Variants in WDR7 observed in about 807,000 individuals in gnomAD.
WDR7 encodes WD repeat domain 7.
In WDR7, 46 loss-of-function variants were observed where a neutral mutation model predicts 169.4. The ratio of observed to expected loss-of-function variants is 0.27; its 90% CI spans 0.21 to 0.35. The LOEUF is 0.35. Among genes scored for constraint, WDR7 ranks in the 10% least tolerant of loss-of-function variants. WDR7 has a pLI of 1.00. For missense variants in WDR7, 1,534 were observed against 1,859.3 expected (o/e 0.83, Z 3.22); for synonymous variants, 612 against 666.8 (o/e 0.92, Z 1.27).
At chr18:56,812,349 T>A (rs1274753755) in intron 19 of WDR7, among the ~76,000 whole-genome samples, 2 of 152,220 alleles carry the variant, frequency 1.3e-5, no homozygotes, top group African/African-American at 2.4e-5. Flanking sequence ...TGAACTAACT[T>A]ATTAGTTTCG....
At chr18:56,931,724 T>G (rs904209230) in intron 22 of WDR7, among the ~76,000 whole-genome samples, 1 of 152,172 alleles carries the variant, frequency 6.6e-6, no homozygotes, top group Admixed American at 6.5e-5. Flanking sequence ...ATGAGTGCTA[T>G]CGTAGTTAAG....
At chr18:57,015,180 A>T (rs2048189697) in intron 26 of WDR7, among the ~76,000 whole-genome samples, 1 of 152,228 alleles carries the variant, frequency 6.6e-6, no homozygotes, top group Non-Finnish European at 1.5e-5. Flanking sequence ...CACACAGCAG[A>T]ATGGGTGACC....
intron 13 of WDR7, among the ~76,000 whole-genome samples, chr18:56,724,156 T>G (rs2026384514): frequency 6.6e-6 from 1 of 150,572 alleles, no homozygotes; most frequent in Admixed American, 6.6e-5. Flanking sequence ...TTTTTCTTGA[T>G]TTGATTTTTT....
intron 12 of WDR7, among the ~76,000 whole-genome samples, chr18:56,700,481 TC>T (rs2025804159): frequency 6.6e-6 from 1 of 151,764 alleles, no homozygotes; most frequent in Non-Finnish European, 1.5e-5. Flanking sequence ...GGTCTCGATC[TC>T]TCGACCTCGT....
chr18:56,854,160 C>A (rs2045682409), intron 20 of WDR7, among the ~76,000 whole-genome samples: 1 of 152,194 alleles, frequency 6.6e-6, no homozygotes, highest in Non-Finnish European at 1.5e-5. Context: ...ACAATCAGTT[C>A]CGCAGTGGCC....
chr18:56,819,829 A>C (rs2045055753), intron 20 of WDR7, among the ~76,000 whole-genome samples: 1 of 152,162 alleles, frequency 6.6e-6, no homozygotes, highest in Non-Finnish European at 1.5e-5. Flanking sequence ...TCACAAGAAG[A>C]GTACTGTATA....
At chr18:56,801,580 A>T (rs922367689) in intron 19 of WDR7, among the ~76,000 whole-genome samples, 1 of 152,200 alleles carries the variant, frequency 6.6e-6, no homozygotes, top group Non-Finnish European at 1.5e-5. Flanking sequence ...TAGCACTTCA[A>T]TAATTTCCTT....
intron 12 of WDR7, among the ~76,000 whole-genome samples, chr18:56,709,079 ATAAAG>A (rs978652366): frequency 2.6e-5 from 4 of 152,256 alleles, no homozygotes; most frequent in Admixed American, 2.6e-4. Flanking sequence ...GAAGTGAAAA[ATAAAG>A]TAAGTTCAGT....
At chr18:56,771,413 G>A (rs1363036967) in intron 16 of WDR7, among the ~76,000 whole-genome samples, 6 of 152,074 alleles carry the variant, frequency 3.9e-5, no homozygotes, top group East Asian at 3.9e-4. Context: ...GTTAGGAGAT[G>A]TGTGTTTCTT....
At chr18:57,001,115 A>G (rs979744059) in intron 26 of WDR7, among the ~76,000 whole-genome samples, 1 of 152,130 alleles carries the variant, frequency 6.6e-6, no homozygotes, top group Admixed American at 6.6e-5. Context: ...GGGCCCAAAA[A>G]TAAAAACATT....
At chr18:56,971,999 ATATT>A (rs2047495639) in intron 26 of WDR7, among the ~76,000 whole-genome samples, 1 of 152,220 alleles carries the variant, frequency 6.6e-6, no homozygotes, top group African/African-American at 2.4e-5. Flanking sequence ...TATTAGCAAA[ATATT>A]AAATAACTGA....
At chr18:56,758,016 C>CTT (rs10636975) in intron 15 of WDR7, among the ~76,000 whole-genome samples, 10,099 of 151,732 alleles carry the variant, frequency 0.067, 771 homozygotes, top group African/African-American at 0.19. Flanking sequence ...CTCATTGTAA[C>CTT]ATATGTAATG....
At chr18:56,754,355 G>A (rs916286316) in intron 14 of WDR7, among the ~76,000 whole-genome samples, 1 of 150,100 alleles carries the variant, frequency 6.7e-6, no homozygotes, top group African/African-American at 2.5e-5. Flanking sequence ...GTGTATATAT[G>A]TGTGTGTATA....
At chr18:56,857,522 G>GCTGGGATTACACAC (rs1402325696) in intron 20 of WDR7, among the ~76,000 whole-genome samples, 1 of 152,094 alleles carries the variant, frequency 6.6e-6, no homozygotes, top group Non-Finnish European at 1.5e-5. Flanking sequence ...CTCCCAAAGT[G>GCTGGGATTACACAC]CTGGGATTAC....
At chr18:56,879,665 A>G (rs2046076992) in intron 20 of WDR7, among the ~76,000 whole-genome samples, 1 of 152,182 alleles carries the variant, frequency 6.6e-6, no homozygotes, top group Non-Finnish European at 1.5e-5. Flanking sequence ...TATATAATCC[A>G]GAATTACAAA....
chr18:56,694,023 C>T (rs1474656169), intron 9 of WDR7, among the ~76,000 whole-genome samples: 3 of 152,030 alleles, frequency 2.0e-5, no homozygotes, highest in African/African-American at 7.2e-5. Flanking sequence ...GCCTGTGCCA[C>T]CATGCTGGGC....
intron 12 of WDR7, among the ~76,000 whole-genome samples, chr18:56,703,157 T>C (rs1024046984): frequency 1.3e-5 from 2 of 152,220 alleles, no homozygotes; most frequent in Non-Finnish European, 2.9e-5. Flanking sequence ...TGAACACTAG[T>C]GTTTGTGCCT....
chr18:57,010,366 A>C lies in WDR7; in HGVS notation c.4165-10379A>C, dbSNP rs959131429. The C allele has an allele frequency of 6.9e-6, 6 of 868,816 alleles. No individual in the cohort carries two copies. The African/African-American group carries it at 1.1e-4, about 16-fold the overall frequency. 53.8% of individuals were successfully genotyped at this position (868,816 alleles called of 1,614,324 possible). A position where few individuals can be genotyped will look rare whatever the true frequency, so the allele number is the denominator to read the frequency against. On this transcript the variant is annotated intron_variant, in intron 26 of 27. Coordinates refer to ENST00000254442, the MANE Select transcript of WDR7 (RefSeq NM_015285.3). ...ATTTAAAACAACCACATTTATCTAA[A>C]TTATATTAGTATTCAGCAGTAGAGT...
chr18:56,928,076 G>A (rs2046831807), intron 22 of WDR7, among the ~76,000 whole-genome samples: 1 of 152,206 alleles, frequency 6.6e-6, no homozygotes, highest in Non-Finnish European at 1.5e-5. Context: ...GCGCAGGCAT[G>A]CCAAACATCT....
Sources: gnomAD v4.1 joint callset for allele counts (sites outside exome capture counted in the v4.1 genomes callset) on GRCh38, gnomAD v4.1.1 for gene constraint, MANE v1.5 for transcripts, NCBI Gene and HGNC (gene_info 2026-07-23, HGNC 2026-07-21) for gene names.